FMN1: variants seen among roughly 807,000 people sequenced by gnomAD.
The protein encoded by FMN1 is formin-1.
A neutral mutation model predicts 132.4 loss-of-function variants in FMN1; 110 were observed. The ratio of observed to expected loss-of-function variants is 0.83; its 90% CI spans 0.71 to 0.97. The LOEUF (loss-of-function observed/expected upper bound fraction) is 0.97, where lower values mean the gene tolerates loss of function less well. Among genes scored for constraint, FMN1 ranks in the 50% least tolerant of loss-of-function variants. FMN1 has a pLI of 0.00. For missense variants in FMN1, 1,792 were observed against 1,705.3 expected (o/e 1.05, Z -0.90); for synonymous variants, 722 against 651.7 (o/e 1.11, Z -1.64).
intron 4 of FMN1, among the ~76,000 whole-genome samples, chr15:33,119,815 T>G (rs549037541): frequency 6.6e-5 from 10 of 152,336 alleles, no homozygotes; most frequent in South Asian, 2.1e-4. Flanking sequence ...GCCAGTCTTC[T>G]TCTTTGCTCT....
chr15:32,900,026 C>A lies in FMN1; in HGVS notation c.3607G>T (p.Gly1203Ter). Reference sequence around the variant, plus strand: ...TTGGGCAGAATTTCTAAGCTATATCCATCGGCTTGTCCCCGAGTCCTATTT... The same window carrying A: ...TTGGGCAGAATTTCTAAGCTATATCAATCGGCTTGTCCCCGAGTCCTATTT... ...GGNRTRGQAD[G>*]YSLEILPKLK... The change falls in exon 14 of 21, where the codon GGA becomes TGA. Residue 1203 changes from glycine to a stop codon, truncating the protein, a stop_gained. Coordinates refer to ENST00000616417, the MANE Select transcript of FMN1 (RefSeq NM_001277313.2). LOFTEE classifies it high-confidence loss of function. 1 of 1,613,938 alleles carries A rather than the reference C, an allele frequency of 6.2e-7. No individual in the cohort carries two copies. The highest frequency in any genetic ancestry group is 8.5e-7 in the Non-Finnish European group (1 of 1,179,852).
At chr15:32,962,379 C>A (rs2030669617) in intron 9 of FMN1, among the ~76,000 whole-genome samples, 1 of 151,880 alleles carries the variant, frequency 6.6e-6, no homozygotes, top group Admixed American at 6.5e-5. Flanking sequence ...GACCTAAAAC[C>A]ATAAAAACCC....
chr15:32,855,999 T>C (rs1450793492), intron 17 of FMN1, among the ~76,000 whole-genome samples: 1 of 152,222 alleles, frequency 6.6e-6, no homozygotes, highest in Non-Finnish European at 1.5e-5. Flanking sequence ...CTTCTCCTAC[T>C]TCAATACAGA....
At chr15:32,780,047 C>A (rs2056615206) in intron 19 of FMN1, among the ~76,000 whole-genome samples, 2 of 152,204 alleles carry the variant, frequency 1.3e-5, no homozygotes, top group Non-Finnish European at 2.9e-5. Flanking sequence ...AACTGTGTGA[C>A]CCTGCACAAG....
At chr15:32,847,622 AGG>A (rs1318500454) in intron 17 of FMN1, among the ~76,000 whole-genome samples, 2 of 152,116 alleles carry the variant, frequency 1.3e-5, no homozygotes, top group Middle Eastern at 3.2e-3. Context: ...TAGGAGGCCG[AGG>A]TGGGCGGATC....
chr15:33,041,883 T>A (rs1193733200), intron 6 of FMN1, among the ~76,000 whole-genome samples: 1 of 151,536 alleles, frequency 6.6e-6, no homozygotes, highest in African/African-American at 2.4e-5. Context: ...AACTATGCAA[T>A]TAAAAATGGG....
At chr15:33,155,980 C>G (rs1443996891) in intron 3 of FMN1, among the ~76,000 whole-genome samples, 1 of 152,190 alleles carries the variant, frequency 6.6e-6, no homozygotes, top group Admixed American at 6.5e-5. Flanking sequence ...ACCGCCCACA[C>G]CCTGGGAATG....
intron 17 of FMN1, chr15:32,810,936 C>T (rs569732461): frequency 1.4e-4 from 63 of 455,672 alleles, no homozygotes; most frequent in Middle Eastern, 3.3e-4. Context: ...ATATGGGAGC[C>T]GGGTGATGCT....
At position 32,793,987 on chromosome 15, in the gene FMN1, T is replaced by C. The variant is rs117268014; in HGVS notation, c.4130+4817A>G. On this transcript the variant is annotated intron_variant, in intron 19 of 20. Transcript: ENST00000616417. ...CTTGTGGATTGAGTGACAGCATCTC[T>C]AAGTCCCCAGCTCTTGGTCCTAAAG... Among the ~76,000 whole-genome samples the C allele has an allele frequency of 9.2e-3, 1,402 of 152,328 alleles. 13 individuals carry two copies. Among genetic ancestry groups the C allele is most frequent in the Middle Eastern group, 0.02 (6 of 294 alleles).
Position 33,067,343 on chromosome 15 carries a change from T to C in FMN1, c.2044-2269A>G, listed in dbSNP as rs763672615. ...TTCCCTGAAACCTCCTGGGTTTTCT[T>C]TGGACTCCTGAGATGGCTCAGATAA... is the stretch of plus-strand genomic sequence containing the variant. On this transcript the variant is annotated intron_variant, in intron 5 of 20. Coordinates refer to ENST00000616417, the MANE Select transcript of FMN1 (RefSeq NM_001277313.2). 11 of 1,613,894 alleles carry C rather than the reference T, an allele frequency of 6.8e-6. No homozygotes were observed. In the African/African-American group the frequency reaches 1.3e-4, roughly 20 times the overall value.
chr15:33,154,891 G>C lies in FMN1; in HGVS notation c.24C>G (p.Leu8=). ...GTTCCGTAATGGGCTTATGCAATTGGAGGGTACAATGAGTGCCTTCCATTA... is the reference window on the plus strand; with the variant it reads ...GTTCCGTAATGGGCTTATGCAATTGCAGGGTACAATGAGTGCCTTCCATTA... MEGTHCT[L]QLHKPITELC... The change falls in exon 4 of 21, where the codon CTC becomes CTG. Residue 8 remains leucine, a synonymous_variant. Coordinates refer to ENST00000616417, the MANE Select transcript of FMN1 (RefSeq NM_001277313.2). The C allele has an allele frequency of 1.3e-6, 2 of 1,535,592 alleles. No homozygotes were observed. The highest frequency in any genetic ancestry group is 1.2e-5 in the South Asian group (1 of 83,940).
chr15:33,076,560 G>A (rs2038217755), intron 5 of FMN1, among the ~76,000 whole-genome samples: 1 of 152,168 alleles, frequency 6.6e-6, no homozygotes, highest in African/African-American at 2.4e-5. Flanking sequence ...GGAGGAGCAT[G>A]CATGCTGTTC....
At chr15:32,868,830 A>G (rs16960230) in intron 16 of FMN1, among the ~76,000 whole-genome samples, 20,919 of 152,050 alleles carry the variant, frequency 0.14, 3,701 homozygotes, top group African/African-American at 0.42. Flanking sequence ...CCACTGAGCT[A>G]AATGTTGGGG....
At chr15:33,151,503 C>A in intron 4 of FMN1, 1 of 930,874 alleles carries the variant, frequency 1.1e-6, no homozygotes. Flanking sequence ...TGAATGTGCT[C>A]TGTGTGCCTG....
intron 4 of FMN1, among the ~76,000 whole-genome samples, chr15:33,111,232 TAAAA>T (rs755103842): frequency 1.3e-5 from 2 of 152,028 alleles, no homozygotes; most frequent in Non-Finnish European, 2.9e-5. Flanking sequence ...ATTTAAAAAA[TAAAA>T]AAACTTAAAG....
intron 5 of FMN1, among the ~76,000 whole-genome samples, chr15:33,071,755 G>A (rs995789166): frequency 3.3e-5 from 5 of 152,172 alleles, no homozygotes; most frequent in African/African-American, 1.2e-4. Context: ...CATAAAAAAT[G>A]TTACCACTGC....
chr15:32,798,655 C>T (rs773335700), intron 19 of FMN1, 149 bp downstream of exon 19: 26 of 656,116 alleles, frequency 4.0e-5, no homozygotes, highest in South Asian at 1.4e-4. Context: ...AATTTCCCTA[C>T]GATCCCTGAG....
intron 14 of FMN1, among the ~76,000 whole-genome samples, chr15:32,899,276 C>T (rs1041965104): frequency 7.9e-5 from 12 of 152,122 alleles, no homozygotes; most frequent in South Asian, 6.2e-4. Context: ...AAAAAATGTG[C>T]GTTCTTAATG....
At chr15:32,866,672 T>C (rs1332813707) in intron 16 of FMN1, among the ~76,000 whole-genome samples, 1 of 152,218 alleles carries the variant, frequency 6.6e-6, no homozygotes, top group Non-Finnish European at 1.5e-5. Context: ...CTTTTTCCTA[T>C]TTCTTGTTTC....
Sources: gnomAD v4.1 joint callset for allele counts (sites outside exome capture counted in the v4.1 genomes callset) on GRCh38, gnomAD v4.1.1 for gene constraint, MANE v1.5 for transcripts, NCBI Gene and HGNC (gene_info 2026-07-23, HGNC 2026-07-21) for gene names.